Variants in LHFPL2 observed in about 807,000 individuals in gnomAD.
LHFPL2 encodes LHFPL tetraspan subfamily member 2.
LHFPL2 carries 7 observed loss-of-function variants against 17.5 expected under a neutral mutation model. That is an observed-to-expected ratio of 0.40 (90% CI 0.23 to 0.75). The LOEUF is 0.75. LHFPL2 is among the 30% of genes least tolerant of loss of function. The pLI is 0.37. For synonymous variants in LHFPL2, 134 were observed against 116.2 expected (o/e 1.15, Z -0.99); for missense variants, 241 against 294.8 (o/e 0.82, Z 1.34).
chr5:78,511,466 T>C (rs1192285868), intron 3 of LHFPL2, among the ~76,000 whole-genome samples: 7 of 152,234 alleles, frequency 4.6e-5, no homozygotes, highest in African/African-American at 1.7e-4. Context: ...AGCCCCATTT[T>C]CTGCCCCATT....
intron 3 of LHFPL2, among the ~76,000 whole-genome samples, chr5:78,552,431 C>A (rs1443870294): frequency 6.6e-6 from 1 of 152,210 alleles, no homozygotes; most frequent in African/African-American, 2.4e-5. Flanking sequence ...CCGCGCCTGG[C>A]CATGTCAGTG....
chr5:78,596,266 C>T (rs990328396), intron 2 of LHFPL2, among the ~76,000 whole-genome samples: 1 of 152,106 alleles, frequency 6.6e-6, no homozygotes, highest in African/African-American at 2.4e-5. Flanking sequence ...AAGAAAGATG[C>T]AAGGAGAAAG....
intron 3 of LHFPL2, among the ~76,000 whole-genome samples, chr5:78,525,674 C>G (rs115268532): frequency 2.0e-5 from 3 of 152,256 alleles, no homozygotes; most frequent in Non-Finnish European, 4.4e-5. Context: ...AATGCGAAAA[C>G]GGATACAGAC....
At chr5:78,569,025 C>G (rs900456674) in intron 2 of LHFPL2, among the ~76,000 whole-genome samples, 2 of 152,136 alleles carry the variant, frequency 1.3e-5, no homozygotes, top group Non-Finnish European at 1.5e-5. Context: ...TCTGACCCCC[C>G]AGGCAGGCCA....
intron 2 of LHFPL2, among the ~76,000 whole-genome samples, chr5:78,627,474 A>G (rs1176635228): frequency 1.3e-5 from 2 of 151,950 alleles, no homozygotes; most frequent in African/African-American, 4.8e-5. Context: ...TCTCACCACT[A>G]CTTCTCTCTC....
intron 2 of LHFPL2, among the ~76,000 whole-genome samples, chr5:78,582,439 C>G (rs1743182106): frequency 2.0e-5 from 3 of 150,530 alleles, no homozygotes; most frequent in Admixed American, 6.6e-5. Context: ...ATAAATTTCC[C>G]TCTACACACT....
chr5:78,570,292 C>A (rs886774897), intron 2 of LHFPL2, among the ~76,000 whole-genome samples: 1 of 152,062 alleles, frequency 6.6e-6, no homozygotes, highest in Non-Finnish European at 1.5e-5. Context: ...ACTGGGTTAA[C>A]GAGAGTGGAG....
At chr5:78,505,191 T>A (rs549010046) in intron 4 of LHFPL2, among the ~76,000 whole-genome samples, 1 of 152,358 alleles carries the variant, frequency 6.6e-6, no homozygotes, top group East Asian at 1.9e-4. Context: ...GGTTTCACGA[T>A]GGATTACATC....
At chr5:78,506,353 AAC>A (rs1467135364) in intron 4 of LHFPL2, among the ~76,000 whole-genome samples, 5 of 152,232 alleles carry the variant, frequency 3.3e-5, no homozygotes, top group Non-Finnish European at 5.9e-5. Flanking sequence ...TGTAAGAACA[AAC>A]ACAGCCTGAG....
chr5:78,640,630 C>CT, intron 1 of LHFPL2, among the ~76,000 whole-genome samples: 1 of 152,280 alleles, frequency 6.6e-6, no homozygotes, highest in East Asian at 1.9e-4. Context: ...TAACATACTA[C>CT]TTGTAGAAAA....
chr5:78,608,395 T>C (rs988639968), intron 2 of LHFPL2, among the ~76,000 whole-genome samples: 7 of 152,156 alleles, frequency 4.6e-5, no homozygotes, highest in Non-Finnish European at 8.8e-5. Flanking sequence ...TGGAGACTAA[T>C]AAAGGGCACT....
intron 3 of LHFPL2, among the ~76,000 whole-genome samples, chr5:78,552,538 C>A (rs1756475087): frequency 6.6e-6 from 1 of 152,210 alleles, no homozygotes; most frequent in Non-Finnish European, 1.5e-5. Context: ...AGGGGGAAAC[C>A]TGATGCCAAC....
intron 2 of LHFPL2, among the ~76,000 whole-genome samples, chr5:78,578,081 C>T (rs928618257): frequency 6.6e-6 from 1 of 152,214 alleles, no homozygotes; most frequent in Non-Finnish European, 1.5e-5. Flanking sequence ...TTGGCTTGAT[C>T]TCAACTGGCA....
At chr5:78,492,942 G>A (rs371386333) in intron 4 of LHFPL2, among the ~76,000 whole-genome samples, 4 of 152,094 alleles carry the variant, frequency 2.6e-5, no homozygotes, top group South Asian at 2.1e-4. Context: ...CCTGACTGGC[G>A]GGCCTCTGCT....
At position 78,486,198 on chromosome 5, in the gene LHFPL2, T is replaced by TTA. The variant is rs1320917647; in HGVS notation, c.*2697_*2698dup. The TTA allele has an allele frequency of 3.9e-5, 6 of 152,634 alleles. No individual in the cohort carries two copies. Among genetic ancestry groups the TTA allele is most frequent in the African/African-American group, 1.4e-4 (6 of 41,462 alleles). The allele number at this position is 152,634 out of a possible 1,614,324, so 9.5% of individuals were successfully genotyped here. A position where few individuals can be genotyped will look rare whatever the true frequency, so the allele number is the denominator to read the frequency against. The stretch of plus-strand genomic sequence containing the variant: ...ATGTTTGAAAACTATACAAAAACCC[T>TTA]TATACAATTAATGCAACATTGTTTG... On this transcript the variant is annotated 3_prime_UTR_variant, in exon 5 of 5. Coordinates refer to ENST00000380345, the MANE Select transcript of LHFPL2 (RefSeq NM_005779.3).
At chr5:78,494,631 G>A (rs1754547874) in intron 4 of LHFPL2, 2 of 422,620 alleles carry the variant, frequency 4.7e-6, no homozygotes, top group South Asian at 9.9e-5. Context: ...CAACCTCACC[G>A]ATGGTCATGG....
chr5:78,572,856 G>A (rs188559358), intron 2 of LHFPL2, among the ~76,000 whole-genome samples: 45 of 152,220 alleles, frequency 3.0e-4, no homozygotes, highest in African/African-American at 1.0e-3. Flanking sequence ...AGATGGTTTC[G>A]GGATGAAACT....
intron 2 of LHFPL2, among the ~76,000 whole-genome samples, chr5:78,575,791 T>C (rs1258184230): frequency 1.3e-5 from 2 of 152,168 alleles, no homozygotes; most frequent in Middle Eastern, 3.4e-3. Context: ...GGGAAGATAG[T>C]GTAATTTAGT....
intron 2 of LHFPL2, chr5:78,624,979 T>G (rs1055812885): frequency 2.0e-5 from 3 of 152,078 alleles, no homozygotes; most frequent in African/African-American, 7.3e-5. Flanking sequence ...ATTATTGTAT[T>G]TTTAGTAGAG....
Sources: gnomAD v4.1 joint callset for allele counts (sites outside exome capture counted in the v4.1 genomes callset) on GRCh38, gnomAD v4.1.1 for gene constraint, MANE v1.5 for transcripts, NCBI Gene and HGNC (gene_info 2026-07-23, HGNC 2026-07-21) for gene names.